Variants in CHRM3 observed in about 807,000 individuals in gnomAD.
The protein encoded by CHRM3 is muscarinic acetylcholine receptor M3.
Under a neutral mutation model 41.8 loss-of-function variants are expected in CHRM3, and 11 were observed. The ratio of observed to expected loss-of-function variants is 0.26; its 90% CI spans 0.17 to 0.44. The LOEUF (loss-of-function observed/expected upper bound fraction) is 0.44. Ranked by LOEUF, CHRM3 falls within the 20% of genes least tolerant of loss-of-function variation. The pLI is 1.00. For synonymous variants in CHRM3, 297 were observed against 301.4 expected, an observed-to-expected ratio of 0.99 and a Z score of 0.15; for missense variants, 571 against 745.4, an observed-to-expected ratio of 0.77 and a Z score of 2.72.
intron 5 of CHRM3, among the ~76,000 whole-genome samples, chr1:239,824,081 C>T (rs761749205): frequency 1.4e-4 from 22 of 152,016 alleles, no homozygotes; most frequent in Non-Finnish European, 2.8e-4. Flanking sequence ...GCCAGGCTGC[C>T]GGCGGTGCCC....
intron 2 of CHRM3, among the ~76,000 whole-genome samples, chr1:239,498,438 T>G (rs1668020006): frequency 6.6e-6 from 1 of 152,188 alleles, no homozygotes; most frequent in African/African-American, 2.4e-5. Context: ...AAAGTAAATT[T>G]GATTTCAATA....
intron 3 of CHRM3, among the ~76,000 whole-genome samples, chr1:239,619,909 G>C (rs1668170934): frequency 6.6e-6 from 1 of 152,102 alleles, no homozygotes; most frequent in African/African-American, 2.4e-5. Context: ...TTGCTGAAAG[G>C]TTACCTGAAG....
rs145727071 is a variant in CHRM3 at position 239,895,171 on chromosome 1, A to C, written c.-19-12262A>C. ...CAGCAGTAGAGGTTGAAGCAGTTCCACGACAACTGCCCACGTATGTAGGGA... is the reference window on the plus strand; with the variant it reads ...CAGCAGTAGAGGTTGAAGCAGTTCCCCGACAACTGCCCACGTATGTAGGGA... On this transcript the variant is annotated intron_variant, in intron 6 of 6. Coordinates refer to ENST00000676153, the MANE Select transcript of CHRM3 (RefSeq NM_001375978.1). Among the ~76,000 whole-genome samples, 349 of 152,358 alleles carry C rather than the reference A, an allele frequency of 2.3e-3. 3 individuals carry two copies. The highest frequency in any genetic ancestry group is 8.2e-3 in the African/African-American group (342 of 41,580).
intron 6 of CHRM3, among the ~76,000 whole-genome samples, chr1:239,887,662 G>A (rs1033743694): frequency 3.3e-5 from 5 of 152,142 alleles, no homozygotes; most frequent in Admixed American, 2.0e-4. Context: ...TGTTTTTGAA[G>A]AGCATTTCAT....
chr1:239,494,820 A>C (rs1667778610), intron 2 of CHRM3, among the ~76,000 whole-genome samples: 1 of 152,048 alleles, frequency 6.6e-6, no homozygotes, highest in Non-Finnish European at 1.5e-5. Context: ...TTCCTGCATT[A>C]GTTTGCTGAG....
chr1:239,808,476 G>A (rs1311062841), intron 5 of CHRM3, among the ~76,000 whole-genome samples: 2 of 152,138 alleles, frequency 1.3e-5, no homozygotes, highest in African/African-American at 4.8e-5. Context: ...TACCTGCTGT[G>A]TGAACTGTTT....
chr1:239,729,941 C>G (rs1196143333), intron 5 of CHRM3, among the ~76,000 whole-genome samples: 2 of 151,918 alleles, frequency 1.3e-5, no homozygotes, highest in African/African-American at 4.8e-5. Flanking sequence ...AAATACTCCT[C>G]TCTTTCTAAC....
intron 4 of CHRM3, among the ~76,000 whole-genome samples, chr1:239,665,067 C>G (rs1288832520): frequency 6.6e-6 from 1 of 151,574 alleles, no homozygotes; most frequent in East Asian, 1.9e-4. Flanking sequence ...ATGGTCCCTT[C>G]CACGACTATA....
At chr1:239,806,761 A>T (rs1348073644) in intron 5 of CHRM3, among the ~76,000 whole-genome samples, 2 of 152,198 alleles carry the variant, frequency 1.3e-5, no homozygotes, top group African/African-American at 2.4e-5. Context: ...TAACTTTTTA[A>T]TTTCTTTTAG....
At chr1:239,837,637 C>G (rs893411906) in intron 6 of CHRM3, among the ~76,000 whole-genome samples, 1 of 152,188 alleles carries the variant, frequency 6.6e-6, no homozygotes. Flanking sequence ...AACTTGAATT[C>G]CAGCAAAATA....
intron 1 of CHRM3, among the ~76,000 whole-genome samples, chr1:239,412,229 CCT>C (rs1491478989): frequency 7.5e-6 from 1 of 132,738 alleles, no homozygotes; most frequent in Non-Finnish European, 1.6e-5. Context: ...CTTTTTCTCC[CCT>C]TTCTTTTTCT....
intron 5 of CHRM3, among the ~76,000 whole-genome samples, chr1:239,798,324 G>T (rs1168233748): frequency 6.6e-6 from 1 of 152,122 alleles, no homozygotes; most frequent in Non-Finnish European, 1.5e-5. Flanking sequence ...AGTTATATGT[G>T]GGTTTTCGAT....
intron 6 of CHRM3, among the ~76,000 whole-genome samples, chr1:239,888,281 C>T (rs1392129178): frequency 6.6e-6 from 1 of 151,340 alleles, no homozygotes; most frequent in Non-Finnish European, 1.5e-5. Flanking sequence ...GTAGGAGAGT[C>T]ACCTGAGCCT....
intron 1 of CHRM3, among the ~76,000 whole-genome samples, chr1:239,488,117 T>C (rs1487409624): frequency 1.3e-5 from 2 of 152,194 alleles, no homozygotes; most frequent in East Asian, 3.9e-4. Flanking sequence ...ATAGTCTCTT[T>C]GTGAGAGTGT....
chr1:239,755,479 T>G (rs1434211190), intron 5 of CHRM3, among the ~76,000 whole-genome samples: 1 of 152,218 alleles, frequency 6.6e-6, no homozygotes, highest in East Asian at 1.9e-4. Context: ...TCTAAGAAAC[T>G]TGGTTATCTG....
intron 1 of CHRM3, among the ~76,000 whole-genome samples, chr1:239,400,403 C>T (rs750618033): frequency 3.3e-5 from 5 of 152,046 alleles, no homozygotes; most frequent in Admixed American, 2.0e-4. Context: ...TAGTTTAGGT[C>T]GCCTCTTCAC....
At chr1:239,766,923 G>T (rs967216067) in intron 5 of CHRM3, among the ~76,000 whole-genome samples, 1 of 152,122 alleles carries the variant, frequency 6.6e-6, no homozygotes, top group Non-Finnish European at 1.5e-5. Flanking sequence ...TTTTGGCCAG[G>T]CTGGTCTCGA....
intron 1 of CHRM3, among the ~76,000 whole-genome samples, chr1:239,392,279 C>A (rs145177850): frequency 1.3e-5 from 2 of 152,306 alleles, no homozygotes; most frequent in Admixed American, 6.5e-5. Flanking sequence ...CAAATAAATT[C>A]TCCTTGTCTG....
At chr1:239,833,838 C>T (rs1673080426) in intron 6 of CHRM3, among the ~76,000 whole-genome samples, 1 of 152,094 alleles carries the variant, frequency 6.6e-6, no homozygotes, top group Admixed American at 6.5e-5. Context: ...ACCTTTATAC[C>T]ACACTCCTTT....
Sources: gnomAD v4.1 joint callset for allele counts (sites outside exome capture counted in the v4.1 genomes callset) on GRCh38, gnomAD v4.1.1 for gene constraint, MANE v1.5 for transcripts, NCBI Gene and HGNC (gene_info 2026-07-23, HGNC 2026-07-21) for gene names.